Variants in LRRC7 observed in about 807,000 individuals in gnomAD.
LRRC7 encodes leucine-rich repeat-containing protein 7.
LRRC7 carries 23 observed loss-of-function variants against 175.7 expected under a neutral mutation model. The observed-to-expected ratio is 0.13, with a 90% CI of 0.09 to 0.19. LRRC7 has a LOEUF of 0.19. Ranked by LOEUF, LRRC7 falls within the 10% of genes least tolerant of loss-of-function variation. The pLI is 1.00. For missense variants in LRRC7, 1,354 were observed against 1,904.7 expected (o/e 0.71, Z 5.38); for synonymous variants, 685 against 680.9 (o/e 1.01, Z -0.09).
intron 22 of LRRC7, among the ~76,000 whole-genome samples, chr1:70,050,463 G>A (rs920851151): frequency 5.3e-5 from 8 of 151,954 alleles, no homozygotes; most frequent in African/African-American, 1.9e-4. Context: ...AGAAGCTAAG[G>A]AAATAGTGCA....
At chr1:69,682,534 G>T (rs925576608) in intron 2 of LRRC7, among the ~76,000 whole-genome samples, 1 of 152,064 alleles carries the variant, frequency 6.6e-6, no homozygotes, top group Admixed American at 6.6e-5. Flanking sequence ...AAACTGCAAT[G>T]CTGTTAATAT....
At chr1:69,818,124 T>C (rs1043055915) in intron 4 of LRRC7, among the ~76,000 whole-genome samples, 3 of 152,108 alleles carry the variant, frequency 2.0e-5, no homozygotes, top group African/African-American at 7.2e-5. Context: ...TGCCTAACCC[T>C]CTGGTTAAAA....
rs989343548 is a variant in LRRC7 at position 69,568,183 on chromosome 1, G to T, written c.-457G>T. ...AACGGGCAGGGGTTGTTACGGAGTT[G>T]GGTGCAGGATTCGCCTTTCCTGCTT... On this transcript the variant is annotated 5_prime_UTR_variant, in exon 1 of 27. Coordinates refer to ENST00000651989, the MANE Select transcript of LRRC7 (RefSeq NM_001370785.2). Among the ~76,000 whole-genome samples the T allele has an allele frequency of 2.6e-5, 4 of 152,002 alleles. No individual in the cohort carries two copies. The highest frequency in any genetic ancestry group is 5.9e-5 in the Non-Finnish European group (4 of 67,972).
intron 10 of LRRC7, among the ~76,000 whole-genome samples, chr1:69,990,708 C>T (rs1654356887): frequency 6.6e-6 from 1 of 151,032 alleles, no homozygotes; most frequent in African/African-American, 2.4e-5. Flanking sequence ...GGGAAAAGTT[C>T]TGAAAGAAAA....
chr1:69,584,340 C>A (rs1646321738), intron 1 of LRRC7, among the ~76,000 whole-genome samples: 1 of 152,158 alleles, frequency 6.6e-6, no homozygotes, highest in African/African-American at 2.4e-5. Context: ...CCCTTGCCAT[C>A]TGCTGCCCTG....
intron 8 of LRRC7, among the ~76,000 whole-genome samples, chr1:69,951,190 C>T (rs750158997): frequency 4.6e-5 from 7 of 151,482 alleles, no homozygotes; most frequent in Admixed American, 3.3e-4. Flanking sequence ...AAAAAAAACC[C>T]GCAATATCAC....
At chr1:69,838,601 C>G (rs1681378032) in intron 7 of LRRC7, among the ~76,000 whole-genome samples, 1 of 151,846 alleles carries the variant, frequency 6.6e-6, no homozygotes, top group African/African-American at 2.4e-5. Context: ...AATAGTGTCA[C>G]AAGGTTCAAC....
intron 1 of LRRC7, among the ~76,000 whole-genome samples, chr1:69,603,858 C>T (rs1022064861): frequency 6.6e-6 from 1 of 151,988 alleles, no homozygotes; most frequent in African/African-American, 2.4e-5. Context: ...TAACCACTCC[C>T]GTTTGTGGTT....
chr1:69,916,233 T>TTACATAC (rs1646710118), intron 7 of LRRC7, among the ~76,000 whole-genome samples: 1 of 118,388 alleles, frequency 8.4e-6, no homozygotes, highest in Non-Finnish European at 1.7e-5. Context: ...ATAATATAAA[T>TTACATAC]ATATTTTATA....
chr1:69,784,668 T>C (rs1461233192), intron 3 of LRRC7, among the ~76,000 whole-genome samples: 2 of 152,224 alleles, frequency 1.3e-5, no homozygotes, highest in Non-Finnish European at 2.9e-5. Flanking sequence ...AACTCATTCA[T>C]TTTCAGCCTT....
At chr1:69,693,216 G>A (rs1258650362) in intron 2 of LRRC7, among the ~76,000 whole-genome samples, 1 of 152,050 alleles carries the variant, frequency 6.6e-6, no homozygotes, top group Non-Finnish European at 1.5e-5. Flanking sequence ...TGATAGATTA[G>A]ATATAGATAT....
At chr1:69,834,992 A>G in intron 6 of LRRC7, 123 bp downstream of exon 6, 1 of 671,928 alleles carries the variant, frequency 1.5e-6, no homozygotes, top group Non-Finnish European at 2.4e-6. Flanking sequence ...TTATTATTCA[A>G]TAAATGAAAC....
At chr1:69,666,600 C>T (rs749396009) in intron 1 of LRRC7, among the ~76,000 whole-genome samples, 5 of 151,944 alleles carry the variant, frequency 3.3e-5, no homozygotes, top group Non-Finnish European at 7.4e-5. Context: ...AATTTATCAT[C>T]ATATACTTGC....
intron 1 of LRRC7, among the ~76,000 whole-genome samples, chr1:69,638,382 G>A (rs549626775): frequency 6.6e-6 from 1 of 151,684 alleles, no homozygotes; most frequent in Non-Finnish European, 1.5e-5. Context: ...ATTTCTGATG[G>A]TAGTCATTCC....
chr1:69,752,364 A>G (rs1429206581), intron 2 of LRRC7, among the ~76,000 whole-genome samples: 1 of 152,186 alleles, frequency 6.6e-6, no homozygotes, highest in Non-Finnish European at 1.5e-5. Context: ...GTCACAAGAA[A>G]TCTTGGAAAG....
chr1:69,821,225 C>G (rs1679256793), intron 4 of LRRC7, among the ~76,000 whole-genome samples: 1 of 151,978 alleles, frequency 6.6e-6, no homozygotes, highest in South Asian at 2.1e-4. Flanking sequence ...TATTTTATTT[C>G]TCTTGAGGGT....
Position 69,685,317 on chromosome 1 carries a change from A to T in LRRC7, c.100+6839A>T, listed in dbSNP as rs549868692. On this transcript the variant is annotated intron_variant, in intron 2 of 26. Coordinates refer to ENST00000651989, the MANE Select transcript of LRRC7 (RefSeq NM_001370785.2). The stretch of plus-strand genomic sequence containing the variant: ...TAACATAATAATCAAAATATTCAAA[A>T]TGCAGTTGACTGTAACCCATCATAC... 3.3e-5 allele frequency among the ~76,000 whole-genome samples: 5 copies of T among 152,272 alleles called. No individual in the cohort carries two copies. In the South Asian group the frequency reaches 1.0e-3, roughly 32 times the overall value.
intron 8 of LRRC7, among the ~76,000 whole-genome samples, chr1:69,943,584 T>C (rs1245462168): frequency 6.6e-6 from 1 of 152,110 alleles, no homozygotes; most frequent in Non-Finnish European, 1.5e-5. Context: ...GTGAATTTTA[T>C]GACATATGAG....
Position 70,089,873 on chromosome 1 carries a change from C to T in LRRC7, c.4545+54C>T, listed in dbSNP as rs913527404. 7 of 1,278,150 alleles carry T rather than the reference C, an allele frequency of 5.5e-6. No homozygotes were observed. The African/African-American group carries it at 9.0e-5, about 16-fold the overall frequency. 79.2% of individuals were successfully genotyped at this position (1,278,150 alleles called of 1,614,324 possible). A position where few individuals can be genotyped will look rare whatever the true frequency, so the allele number is the denominator to read the frequency against. ...TTAATTAGAAAAATACTATCTCCTA[C>T]AGTAACAAAGGTTAGAAAAAAATTC... is the stretch of plus-strand genomic sequence containing the variant. On this transcript the variant is annotated intron_variant, in intron 25 of 26. Transcript: ENST00000651989.
Sources: gnomAD v4.1 joint callset for allele counts (sites outside exome capture counted in the v4.1 genomes callset) on GRCh38, gnomAD v4.1.1 for gene constraint, MANE v1.5 for transcripts, NCBI Gene and HGNC (gene_info 2026-07-23, HGNC 2026-07-21) for gene names.